IFT81: variants seen among roughly 807,000 people sequenced by gnomAD.
IFT81 encodes intraflagellar transport 81.
In IFT81, 72 loss-of-function variants were observed where a neutral mutation model predicts 102.6. The observed-to-expected ratio is 0.70, with a 90% CI of 0.58 to 0.85. IFT81 has a LOEUF of 0.85. IFT81 is among the 40% of genes least tolerant of loss of function. The pLI, the probability that IFT81 is intolerant of heterozygous loss-of-function variation, is 0.00. For missense variants in IFT81, 723 were observed against 787.3 expected, an observed-to-expected ratio of 0.92 and a Z score of 0.98; for synonymous variants, 237 against 242.7, an observed-to-expected ratio of 0.98 and a Z score of 0.22.
At chr12:110,161,911 A>G (rs965824681) in intron 10 of IFT81, among the ~76,000 whole-genome samples, 1 of 152,204 alleles carries the variant, frequency 6.6e-6, no homozygotes, top group African/African-American at 2.4e-5. Flanking sequence ...AATTATTTGT[A>G]TCATTTCTCT....
chr12:110,129,245 A>G, intron 4 of IFT81, 115 bp downstream of exon 4: 1 of 725,978 alleles, frequency 1.4e-6, no homozygotes, highest in Non-Finnish European at 2.1e-6. Context: ...TGGCACAAGA[A>G]GATAAAACTG....
At chr12:110,174,277 CAAAAAAA>C (rs61353726) in intron 11 of IFT81, among the ~76,000 whole-genome samples, 15 of 35,278 alleles carry the variant, frequency 4.3e-4, no homozygotes, top group South Asian at 1.6e-3. Context: ...GACTCCGTCT[CAAAAAAA>C]AAAAAAAAAA....
At chr12:110,144,005 AC>A (rs1895044173) in intron 9 of IFT81, among the ~76,000 whole-genome samples, 1 of 137,060 alleles carries the variant, frequency 7.3e-6, no homozygotes, top group Non-Finnish European at 1.6e-5. Context: ...ATCAGGTTAT[AC>A]CTTTTTTTTT....
chr12:110,190,014 C>A (rs1255540326), intron 12 of IFT81, among the ~76,000 whole-genome samples: 1 of 152,164 alleles, frequency 6.6e-6, no homozygotes, highest in African/African-American at 2.4e-5. Flanking sequence ...TTCTAATTGG[C>A]CTCCCTGCTC....
intron 8 of IFT81, among the ~76,000 whole-genome samples, chr12:110,137,856 T>A (rs1894609807): frequency 6.6e-6 from 1 of 152,212 alleles, no homozygotes; most frequent in African/African-American, 2.4e-5. Flanking sequence ...AAGAATAGAA[T>A]GCTGGATCCT....
chr12:110,218,103 A>G lies in IFT81; in HGVS notation c.1908A>G (p.Ala636=). ...RESHGPNMKQ[A]KMWRDLEQLM... is the part of the protein sequence containing the mutation. ...GTCATGGTCCAAATATGAAACAAGC[A>G]AAAATGTGGCGTGATTTGGAACAAT... is the stretch of plus-strand genomic sequence containing the variant. The change falls in exon 19 of 19, where the codon GCA becomes GCG. Residue 636 remains alanine (A), a synonymous_variant. Coordinates refer to ENST00000242591, the MANE Select transcript of IFT81 (RefSeq NM_014055.4). 1 of 1,605,090 alleles carries G rather than the reference A, an allele frequency of 6.2e-7. No individual in the cohort carries two copies.
At chr12:110,183,786 G>A (rs538473688) in intron 12 of IFT81, among the ~76,000 whole-genome samples, 4 of 152,290 alleles carry the variant, frequency 2.6e-5, no homozygotes, top group African/African-American at 9.6e-5. Flanking sequence ...ACTGCCCAGA[G>A]GATACAGGAT....
chr12:110,161,727 T>G (rs1285166303), intron 10 of IFT81, among the ~76,000 whole-genome samples: 1 of 152,170 alleles, frequency 6.6e-6, no homozygotes, highest in African/African-American at 2.4e-5. Flanking sequence ...GTGCTGGGAT[T>G]ACAGACGTGA....
At chr12:110,208,014 C>T (rs1251100877) in intron 17 of IFT81, among the ~76,000 whole-genome samples, 2 of 151,950 alleles carry the variant, frequency 1.3e-5, no homozygotes, top group Non-Finnish European at 1.5e-5. Context: ...AAGTAGTGTG[C>T]ACAGAAGTTG....
intron 9 of IFT81, 37 bp downstream of exon 9, chr12:110,143,582 A>G (rs978407342): frequency 2.2e-5 from 32 of 1,474,034 alleles, no homozygotes; most frequent in Non-Finnish European, 2.7e-5. Flanking sequence ...TCTCAATTTT[A>G]TCTGATCCCC....
In IFT81 at chr12:110,136,844, A is replaced by G. The variant is rs1440663114; in HGVS notation, c.765A>G (p.Ala255=). 3 of 1,609,906 alleles carry G rather than the reference A, an allele frequency of 1.9e-6. No individual in the cohort carries two copies. The highest frequency in any genetic ancestry group is 2.5e-6 in the Non-Finnish European group (3 of 1,176,522). The change falls in exon 8 of 19, where the codon GCA becomes GCG. Residue 255 remains alanine, a synonymous_variant. Transcript: ENST00000242591. ...TGAAAAGCATGCGCCAAGCTGCAGC[A>G]GATGCAAAGCCTGAAAGTAAGTGGA... ...NQLKSMRQAA[A]DAKPESLMKR...
intron 1 of IFT81, 117 bp from the exon 2 acceptor site, chr12:110,127,243 T>TGTATG: frequency 1.0e-6 from 1 of 996,406 alleles, no homozygotes; most frequent in Non-Finnish European, 1.4e-6. Flanking sequence ...CACAGCATTT[T>TGTATG]GTATGCCATG....
At chr12:110,147,674 T>C (rs1366803640) in intron 10 of IFT81, among the ~76,000 whole-genome samples, 2 of 152,170 alleles carry the variant, frequency 1.3e-5, no homozygotes, top group Admixed American at 6.6e-5. Context: ...TTTTAAAACC[T>C]TTATAACGGA....
At chr12:110,165,894 A>G (rs1194262128) in intron 11 of IFT81, among the ~76,000 whole-genome samples, 1 of 152,254 alleles carries the variant, frequency 6.6e-6, no homozygotes, top group Non-Finnish European at 1.5e-5. Context: ...CTCAGTCAAC[A>G]TATAACACCT....
At chr12:110,195,049 C>G (rs1897942903) in intron 14 of IFT81, among the ~76,000 whole-genome samples, 1 of 152,116 alleles carries the variant, frequency 6.6e-6, no homozygotes, top group Admixed American at 6.6e-5. Flanking sequence ...TTAGGTTTTG[C>G]TGTGTCATAT....
intron 10 of IFT81, among the ~76,000 whole-genome samples, chr12:110,149,271 C>T (rs1895388917): frequency 6.6e-6 from 1 of 152,206 alleles, no homozygotes; most frequent in South Asian, 2.1e-4. Context: ...GTCCCCATCG[C>T]AGGGCATGTG....
intron 14 of IFT81, among the ~76,000 whole-genome samples, chr12:110,200,669 G>T (rs1290279346): frequency 6.6e-6 from 1 of 151,810 alleles, no homozygotes; most frequent in Non-Finnish European, 1.5e-5. Flanking sequence ...AGCTTTCTTG[G>T]CCGGGCACGG....
chr12:110,129,954 A>G (rs1314587215), intron 4 of IFT81, among the ~76,000 whole-genome samples: 1 of 152,120 alleles, frequency 6.6e-6, no homozygotes, highest in Non-Finnish European at 1.5e-5. Flanking sequence ...GTCTTTCCCA[A>G]TAAATTCTGA....
intron 8 of IFT81, among the ~76,000 whole-genome samples, chr12:110,137,847 A>G (rs527830837): frequency 6.6e-6 from 1 of 152,346 alleles, no homozygotes; most frequent in East Asian, 1.9e-4. Context: ...ATAAAGAAAA[A>G]GAATAGAATG....
Sources: gnomAD v4.1 joint callset for allele counts (sites outside exome capture counted in the v4.1 genomes callset) on GRCh38, gnomAD v4.1.1 for gene constraint, MANE v1.5 for transcripts, NCBI Gene and HGNC (gene_info 2026-07-23, HGNC 2026-07-21) for gene names.